FCN1: variants seen among roughly 807,000 people sequenced by gnomAD.
The protein encoded by FCN1 is ficolin 1.
Under a neutral mutation model 35.6 loss-of-function variants are expected in FCN1, and 42 were observed. That is an observed-to-expected ratio of 1.18 (90% CI 0.92 to 1.53). The LOEUF is 1.53. Among genes scored for constraint, FCN1 ranks in the 40% most tolerant of loss-of-function variants. The pLI, the probability that FCN1 is intolerant of heterozygous loss-of-function variation, is 0.00. For missense variants in FCN1, 439 were observed against 428.4 expected (o/e 1.02, Z -0.22); for synonymous variants, 179 against 169.8 (o/e 1.05, Z -0.42).
In FCN1 at chr9:134,910,047, T is replaced by C; in HGVS notation, c.734-2A>G. 6.2e-7 allele frequency: 1 copy of C among 1,613,674 alleles called. No individual in the cohort carries two copies. Among genetic ancestry groups the C allele is most frequent in the Non-Finnish European group, 8.5e-7 (1 of 1,179,582 alleles). ...TGTTGTGGCCCGTTAGAGAATTACC[T>C]GCTCACAGAAAATGTGGGGTTTGCA... On this transcript the variant is annotated splice_acceptor_variant, in intron 8 of 8. Coordinates refer to ENST00000371806, the MANE Select transcript of FCN1 (RefSeq NM_002003.5). LOFTEE classifies it high-confidence loss of function.
intron 4 of FCN1, among the ~76,000 whole-genome samples, chr9:134,914,062 T>C (rs1018122798): frequency 2.6e-5 from 4 of 152,236 alleles, no homozygotes; most frequent in African/African-American, 9.7e-5. Flanking sequence ...TACAGTGTAT[T>C]AGAGTCTTGC....
chr9:134,915,432 C>A (rs1831080722), intron 2 of FCN1, among the ~76,000 whole-genome samples: 1 of 152,134 alleles, frequency 6.6e-6, no homozygotes, highest in Non-Finnish European at 1.5e-5. Context: ...ATTAGCCAGC[C>A]ATGCCCACTG....
At position 134,909,108 on chromosome 9, in the gene FCN1, G is replaced by A; in HGVS notation, c.*690C>T. The stretch of plus-strand genomic sequence containing the variant: ...GAGGTCCGCGGTCCCCTCTAGCTGA[G>A]GTCTGTGTGTGGGAGGAAGGCCTCT... On this transcript the variant is annotated 3_prime_UTR_variant, in exon 9 of 9. Coordinates refer to ENST00000371806, the MANE Select transcript of FCN1 (RefSeq NM_002003.5). 1.1e-6 allele frequency: 1 copy of A among 900,264 alleles called. No individual in the cohort carries two copies. The allele number at this position is 900,264 out of a possible 1,614,324, so 55.8% of individuals were successfully genotyped here.
At chr9:134,916,556 C>G in intron 1 of FCN1, 95 bp from the exon 2 acceptor site, 1 of 1,230,788 alleles carries the variant, frequency 8.1e-7, no homozygotes, top group East Asian at 2.3e-5. Flanking sequence ...CTGTCCTCAC[C>G]CCTCAGGCAC....
Position 134,913,671 on chromosome 9 carries a change from C to T in FCN1, c.308-58G>A, listed in dbSNP as rs374659908. On this transcript the variant is annotated intron_variant, in intron 4 of 8. Coordinates refer to ENST00000371806, the MANE Select transcript of FCN1 (RefSeq NM_002003.5). ...TTGAAATCAGAGCCTTTGTCCTGGTCAGCCCCAGTGGCTCCCTGAGCACAG... is the reference window on the plus strand; with the variant it reads ...TTGAAATCAGAGCCTTTGTCCTGGTTAGCCCCAGTGGCTCCCTGAGCACAG... 7.1e-6 allele frequency: 10 copies of T among 1,411,866 alleles called. No individual in the cohort carries two copies. In the African/African-American group the frequency reaches 1.4e-4, roughly 20 times the overall value. The allele number at this position is 1,411,866 out of a possible 1,614,324, so 87.5% of individuals were successfully genotyped here. A position where few individuals can be genotyped will look rare whatever the true frequency, so the allele number is the denominator to read the frequency against.
chr9:134,914,517 C>T, intron 3 of FCN1, 97 bp from the exon 4 acceptor site: 1 of 1,249,090 alleles, frequency 8.0e-7, no homozygotes, highest in East Asian at 2.3e-5. Context: ...CACTGCATCT[C>T]CCCAGCCCTG....
Position 134,909,990 on chromosome 9 carries a change from A to G in FCN1, c.789T>C (p.Asn263=). 1 of 1,613,948 alleles carries G rather than the reference A, an allele frequency of 6.2e-7. No individual in the cohort carries two copies. Among genetic ancestry groups the G allele is most frequent in the Non-Finnish European group, 8.5e-7 (1 of 1,179,984 alleles). Residue 263 remains asparagine (N), a synonymous_variant, in exon 9 of 9, where the codon AAT becomes AAC. Transcript: ENST00000371806. ...NNFFSTKDQD[N]DVSSSNCAEK... ...CAGCACAATTCGAAGAACTCACATC[A>G]TTGTCTTGGTCTTTGGTGGAGAAGA...
chr9:134,917,664 C>T (rs1245848033), intron 1 of FCN1, 105 bp downstream of exon 1: 3 of 722,906 alleles, frequency 4.1e-6, no homozygotes, highest in Non-Finnish European at 7.5e-6. Context: ...TGTTGGGCAT[C>T]TTCACAGGAA....
chr9:134,915,741 G>C (rs1831084530), intron 2 of FCN1, among the ~76,000 whole-genome samples: 1 of 152,226 alleles, frequency 6.6e-6, no homozygotes, highest in African/African-American at 2.4e-5. Flanking sequence ...CCCTAAGGCA[G>C]CGCCCTTTCT....
chr9:134,913,097 G>C lies in FCN1; in HGVS notation c.387C>G (p.Ser129Arg). 6.2e-7 allele frequency: 1 copy of C among 1,613,930 alleles called. No individual in the cohort carries two copies. Residue 129 changes from serine (S) to arginine (R), a missense_variant, in exon 6 of 9, where the codon AGC (serine) becomes AGG (arginine). Physicochemically the swap from Ser to Arg is moderately radical, Grantham distance 110. Coordinates refer to ENST00000371806, the MANE Select transcript of FCN1 (RefSeq NM_002003.5). The stretch of plus-strand genomic sequence containing the variant: ...CGGGCAGGTAGATGGTGTGCCAGCC[G>C]CTCAGGAAATACCCCCGGTCTAGCA... ...KDLLDRGYFL[S>R]GWHTIYLPDC...
rs372458593 is a variant in FCN1 at position 134,912,973 on chromosome 9, C to T, written c.468+43G>A. On this transcript the variant is annotated intron_variant, in intron 6 of 8. Transcript: ENST00000371806. ...ACAACCAGGTGTGCAGCCTGGCCTCCGGGACTCCCAGGCTGACCGCCTCTG... is the reference window on the plus strand; with the variant it reads ...ACAACCAGGTGTGCAGCCTGGCCTCTGGGACTCCCAGGCTGACCGCCTCTG... The T allele has an allele frequency of 9.5e-4, 1,518 of 1,592,254 alleles. 20 individuals carry two copies. In the South Asian group the frequency reaches 0.012, roughly 12 times the overall value.
chr9:134,912,392 G>A (rs1328515441), intron 7 of FCN1, 94 bp downstream of exon 7: 4 of 1,321,676 alleles, frequency 3.0e-6, no homozygotes, highest in Non-Finnish European at 4.1e-6. Flanking sequence ...AATCCCCTGT[G>A]GGCCAAGAGG....
chr9:134,914,131 A>C (rs1351654388), intron 4 of FCN1, among the ~76,000 whole-genome samples: 1 of 152,192 alleles, frequency 6.6e-6, no homozygotes, highest in Non-Finnish European at 1.5e-5. Context: ...GTAAGACAGA[A>C]ATTGAAATAT....
Position 134,909,164 on chromosome 9 carries a change from A to G in FCN1, c.*634T>C, listed in dbSNP as rs1381325858. The G allele has an allele frequency of 5.5e-6, 7 of 1,268,058 alleles. No individual in the cohort carries two copies. The Admixed American group carries it at 1.6e-4, about 30-fold the overall frequency. The allele number at this position is 1,268,058 out of a possible 1,614,324, so 78.6% of individuals were successfully genotyped here. ...ATCTTCTCTGTGCAGGTGGCTGACC[A>G]GGCGCTCACTTAGTGAGTGCTAAGT... is the stretch of plus-strand genomic sequence containing the variant. On this transcript the variant is annotated 3_prime_UTR_variant, in exon 9 of 9. Coordinates refer to ENST00000371806, the MANE Select transcript of FCN1 (RefSeq NM_002003.5).
At chr9:134,913,955 C>T (rs1256928915) in intron 4 of FCN1, among the ~76,000 whole-genome samples, 1 of 152,206 alleles carries the variant, frequency 6.6e-6, no homozygotes, top group Non-Finnish European at 1.5e-5. Context: ...CAAGCCTGCC[C>T]TGCCTCCGCC....
In FCN1 at chr9:134,910,020, G is replaced by T. The variant is rs1207824629; in HGVS notation, c.759C>A (p.Asn253Lys). The T allele has an allele frequency of 1.2e-6, 2 of 1,614,008 alleles. No individual in the cohort carries two copies. Among genetic ancestry groups the T allele is most frequent in the Admixed American group, 1.7e-5 (1 of 60,008 alleles). ...SAGNSLTGHNNNFFSTKDQDN... is the reference protein window; with the variant it reads ...SAGNSLTGHNKNFFSTKDQDN... ...CTTGGTCTTTGGTGGAGAAGAAGTT[G>T]TTGTTGTGGCCCGTTAGAGAATTAC... Residue 253 changes from asparagine to lysine, a missense_variant, in exon 9 of 9, where the codon AAC becomes AAA. Transcript: ENST00000371806.
At position 134,906,775 on chromosome 9, in the gene FCN1, A is replaced by G. The variant is rs889968088; in HGVS notation, c.*3023T>C. On this transcript the variant is annotated 3_prime_UTR_variant, in exon 9 of 9. Coordinates refer to ENST00000371806, the MANE Select transcript of FCN1 (RefSeq NM_002003.5). ...CAAACCTGTCCAGATTCCTTAATAC[A>G]AAAGGCATATTTTGGCCAGGCACAG... is the stretch of plus-strand genomic sequence containing the variant. The G allele has an allele frequency of 1.2e-4, 18 of 152,174 alleles. No individual in the cohort carries two copies. Among genetic ancestry groups the G allele is most frequent in the African/African-American group, 4.3e-4 (18 of 41,446 alleles). 9.4% of individuals were successfully genotyped at this position (152,174 alleles called of 1,614,324 possible). A position where few individuals can be genotyped will look rare whatever the true frequency, so the allele number is the denominator to read the frequency against.
chr9:134,904,616 C>A lies in FCN1; in HGVS notation c.*5182G>T, dbSNP rs929390379. The stretch of plus-strand genomic sequence containing the variant: ...TAACATGGCGAAACCCCATCTCTAC[C>A]AAAAAATACAAAAATTAGCCCAGCG... On this transcript the variant is annotated 3_prime_UTR_variant, in exon 9 of 9. Coordinates refer to ENST00000371806, the MANE Select transcript of FCN1 (RefSeq NM_002003.5). 2.0e-5 allele frequency among the ~76,000 whole-genome samples: 3 copies of A among 151,740 alleles called. No individual in the cohort carries two copies. Among genetic ancestry groups the A allele is most frequent in the Non-Finnish European group, 4.4e-5 (3 of 67,926 alleles).
At chr9:134,912,922 G>A (rs1831042648) in intron 6 of FCN1, 94 bp downstream of exon 6, 6 of 1,528,112 alleles carry the variant, frequency 3.9e-6, no homozygotes, top group South Asian at 3.6e-5. Context: ...CCATCCAGGG[G>A]AATAGAGAAT....
Sources: allele counts gnomAD v4.1 joint callset (sites outside exome capture counted in the v4.1 genomes callset), GRCh38; gene constraint gnomAD v4.1.1; transcripts MANE v1.5; gene names NCBI Gene and HGNC (gene_info 2026-07-23, HGNC 2026-07-21).